The following LRRC8A variants were observed in gnomAD, a reference collection of about 807,000 sequenced individuals.
LRRC8A encodes leucine rich repeat containing 8 VRAC subunit A, also known as volume-regulated anion channel subunit LRRC8A.
Under a neutral mutation model 52.5 loss-of-function variants are expected in LRRC8A, and 24 were observed. The observed-to-expected ratio is 0.46, with a 90% confidence interval of 0.33 to 0.64. The LOEUF is 0.64. LRRC8A is among the 30% of genes least tolerant of loss of function. The pLI is 0.02. For synonymous variants in LRRC8A, 492 were observed against 494.2 expected (o/e 1.00, Z 0.06); for missense variants, 677 against 1,094.7 (o/e 0.62, Z 5.38).
intron 2 of LRRC8A, among the ~76,000 whole-genome samples, chr9:128,886,447 T>C (rs965166547): frequency 6.6e-6 from 1 of 152,192 alleles, no homozygotes; most frequent in Non-Finnish European, 1.5e-5. Context: ...GTTTCCCAAG[T>C]GTGTTCCATG....
chr9:128,908,812 C>T lies in LRRC8A; in HGVS notation c.1648C>T (p.Arg550Trp), dbSNP rs765803906. 1.5e-5 allele frequency: 24 copies of T among 1,613,404 alleles called. No individual in the cohort carries two copies. Among genetic ancestry groups the T allele is most frequent in the South Asian group, 6.6e-5 (6 of 91,086 alleles). The change falls in exon 3 of 4, where the codon CGG becomes TGG. Residue 550 changes from arginine to tryptophan, a missense_variant. By Grantham distance (101) the Arg-to-Trp change is moderately radical (BLOSUM62 -3). Coordinates refer to ENST00000372600, the MANE Select transcript of LRRC8A (RefSeq NM_019594.4). ...LRELKRLKVL[R>W]LKSNLSKLPQ... Reference sequence around the variant, plus strand: ...GGAGCTCAAACGCCTCAAGGTGCTGCGGCTCAAGAGCAACCTAAGCAAGCT... The same window carrying T: ...GGAGCTCAAACGCCTCAAGGTGCTGTGGCTCAAGAGCAACCTAAGCAAGCT...
rs1484836930 is a variant in LRRC8A, at chr9:128,899,022, C to T, written c.-8-8135C>T. Among the ~76,000 whole-genome samples, 1 of 152,186 alleles carries T rather than the reference C, an allele frequency of 6.6e-6. No individual in the cohort carries two copies. Among genetic ancestry groups the T allele is most frequent in the Non-Finnish European group, 1.5e-5 (1 of 68,036 alleles). On this transcript the variant is annotated intron_variant, in intron 2 of 3. Transcript: ENST00000372600. This position sits in a 1 kb window ranked among gnomAD's most constrained non-coding sequence, Gnocchi z 4.0. The stretch of plus-strand genomic sequence containing the variant: ...GGACAAGGGGTGTCTGTGATGGTGG[C>T]GGCAGCTCTGCAGTCACAGCCCAGC...
At chr9:128,886,580 C>T (rs894189730) in intron 2 of LRRC8A, among the ~76,000 whole-genome samples, 7 of 152,140 alleles carry the variant, frequency 4.6e-5, no homozygotes, top group Non-Finnish European at 8.8e-5. Context: ...GAGCTGATCA[C>T]GATAAGGGAG....
chr9:128,899,594 G>A lies in LRRC8A; in HGVS notation c.-8-7563G>A, dbSNP rs1839949991. 6.6e-6 allele frequency among the ~76,000 whole-genome samples: 1 copy of A among 152,122 alleles called. No individual in the cohort carries two copies. Among genetic ancestry groups the A allele is most frequent in the East Asian group, 1.9e-4 (1 of 5,182 alleles). ...TTAACAAAAGGACATTCTCATATGT[G>A]TTAGAACGTGGTGAGCCTTGAGGAC... On this transcript the variant is annotated intron_variant, in intron 2 of 3. Transcript: ENST00000372600. This position sits in a 1 kb window ranked among gnomAD's most constrained non-coding sequence, Gnocchi z 4.0.
intron 2 of LRRC8A, among the ~76,000 whole-genome samples, chr9:128,903,402 AG>A (rs1840104777): frequency 6.9e-6 from 1 of 145,920 alleles, no homozygotes; most frequent in South Asian, 2.2e-4. Flanking sequence ...ATTTGCAGAG[AG>A]GTGCTGTTCT....
At chr9:128,884,409 A>G (rs1839307132) in intron 1 of LRRC8A, among the ~76,000 whole-genome samples, 1 of 152,150 alleles carries the variant, frequency 6.6e-6, no homozygotes, top group Non-Finnish European at 1.5e-5. Flanking sequence ...TCATTCATTC[A>G]TTCATTCATT....
At chr9:128,885,188 A>G (rs770034797) in intron 1 of LRRC8A, 1 of 152,370 alleles carries the variant, frequency 6.6e-6, no homozygotes, top group Non-Finnish European at 1.5e-5. Flanking sequence ...CATATGGAGT[A>G]GATGCTCACC....
At chr9:128,903,206 G>A (rs1840096452) in intron 2 of LRRC8A, among the ~76,000 whole-genome samples, 1 of 152,050 alleles carries the variant, frequency 6.6e-6, no homozygotes, top group African/African-American at 2.4e-5. Context: ...GATGACCCTA[G>A]GAGGGCCTGC....
At position 128,908,355 on chromosome 9, in the gene LRRC8A, G is replaced by A. The variant is rs768057055; in HGVS notation, c.1191G>A (p.Val397=). The A allele has an allele frequency of 3.7e-6, 6 of 1,614,068 alleles. No homozygotes were observed. The South Asian group carries it at 6.6e-5, about 18-fold the overall frequency. Reference sequence around the variant, plus strand: ...GCTTCGCCGTCTTCCTGTCGGAGGTGAGTGAGAACAAGCTGCGGCAGCTGA... The same window carrying A: ...GCTTCGCCGTCTTCCTGTCGGAGGTAAGTGAGAACAAGCTGCGGCAGCTGA... The part of the protein sequence containing the change: ...SKRFAVFLSE[V]SENKLRQLNL... The change falls in exon 3 of 4, where the codon GTG becomes GTA. Residue 397 remains valine, a synonymous_variant. Transcript: ENST00000372600.
At position 128,907,098 on chromosome 9, in the gene LRRC8A, C is replaced by G. The variant is rs1840282535; in HGVS notation, c.-8-59C>G. The G allele has an allele frequency of 2.2e-6, 3 of 1,352,614 alleles. No homozygotes were observed. Among genetic ancestry groups the G allele is most frequent in the Non-Finnish European group, 3.1e-6 (3 of 975,580 alleles). 83.8% of individuals were successfully genotyped at this position (1,352,614 alleles called of 1,614,324 possible). ...TTTCATTGTCTTCTTCCCCTGACCC[C>G]TGGTCCTAGGAAAGCCAGGCCACCC... is the stretch of plus-strand genomic sequence containing the variant. On this transcript the variant is annotated intron_variant, in intron 2 of 3. Coordinates refer to ENST00000372600, the MANE Select transcript of LRRC8A (RefSeq NM_019594.4). The surrounding 1 kb of genome is among the most constrained non-coding windows in gnomAD (Gnocchi z 9.3).
Position 128,907,395 on chromosome 9 carries a change from G to A in LRRC8A, c.231G>A (p.Pro77=), listed in dbSNP as rs1004858234. ...DSFRGWAAPG[P]EPTYPNSTIL... Reference sequence around the variant, plus strand: ...TCCGGGGCTGGGCAGCCCCTGGCCCGGAGCCCACCTACCCCAACTCCACCA... The same window carrying A: ...TCCGGGGCTGGGCAGCCCCTGGCCCAGAGCCCACCTACCCCAACTCCACCA... The change falls in exon 3 of 4, where the codon CCG becomes CCA. Residue 77 remains proline (P), a synonymous_variant. Coordinates refer to ENST00000372600, the MANE Select transcript of LRRC8A (RefSeq NM_019594.4). The surrounding 1 kb of genome is among the most constrained non-coding windows in gnomAD (Gnocchi z 9.3). 8.1e-6 allele frequency: 13 copies of A among 1,613,158 alleles called. No homozygotes were observed. The highest frequency in any genetic ancestry group is 3.3e-4 in the Middle Eastern group (2 of 6,084).
chr9:128,891,253 A>G (rs1839605389), intron 2 of LRRC8A, among the ~76,000 whole-genome samples: 1 of 151,788 alleles, frequency 6.6e-6, no homozygotes, highest in Non-Finnish European at 1.5e-5. Context: ...GCCTGGTGAC[A>G]GAGTGAGATC....
Position 128,916,791 on chromosome 9 carries a change from G to C in LRRC8A, c.*420G>C, listed in dbSNP as rs1840839338. On this transcript the variant is annotated 3_prime_UTR_variant, in exon 4 of 4. Coordinates refer to ENST00000372600, the MANE Select transcript of LRRC8A (RefSeq NM_019594.4). The surrounding 1 kb of genome is among the most constrained non-coding windows in gnomAD (Gnocchi z 6.1). ...TTCCCAAGAAAGTTCAGCCCAGATG[G>C]AAGGTGTTCAGGGAAAGGTGGGCTG... is the stretch of plus-strand genomic sequence containing the variant. 1 of 168,282 alleles carries C rather than the reference G, an allele frequency of 5.9e-6. No homozygotes were observed. Among genetic ancestry groups the C allele is most frequent in the Admixed American group, 5.7e-5 (1 of 17,616 alleles). 10.4% of individuals were successfully genotyped at this position (168,282 alleles called of 1,614,324 possible). A position where few individuals can be genotyped will look rare whatever the true frequency, so the allele number is the denominator to read the frequency against.
At chr9:128,886,291 G>A (rs578054214) in intron 2 of LRRC8A, among the ~76,000 whole-genome samples, 170 bp downstream of exon 2, 2 of 152,192 alleles carry the variant, frequency 1.3e-5, no homozygotes, top group Non-Finnish European at 2.9e-5. Flanking sequence ...TCCTTCTCCC[G>A]CTGAGTAATG....
At position 128,908,128 on chromosome 9, in the gene LRRC8A, G is replaced by T. The variant is rs754056467; in HGVS notation, c.964G>T (p.Ala322Ser). The change falls in exon 3 of 4, where the codon GCG becomes TCG. Residue 322 changes from alanine (A) to serine (S), a missense_variant. Physicochemically the swap from Ala to Ser is moderately conservative, Grantham distance 99 (BLOSUM62 1). Transcript: ENST00000372600. ...HPLATLFKIL[A>S]SFYISLVIFY... Reference sequence around the variant, plus strand: ...CCTGGCCACACTCTTCAAGATCCTGGCGTCCTTCTACATCAGCCTAGTCAT... The same window carrying T: ...CCTGGCCACACTCTTCAAGATCCTGTCGTCCTTCTACATCAGCCTAGTCAT... 7.4e-6 allele frequency: 12 copies of T among 1,613,946 alleles called. No homozygotes were observed. Among genetic ancestry groups the T allele is most frequent in the African/African-American group, 2.7e-5 (2 of 75,018 alleles).
rs2130953660 is a variant in LRRC8A, at chr9:128,892,766, A to T, written c.-9+6645A>T. ...TCCACAGGCTTGGAACCCTCCCGGG[A>T]CAGGGCCTGTTGAGAGCGGCCCCTT... On this transcript the variant is annotated intron_variant, in intron 2 of 3. Transcript: ENST00000372600. This position sits in a 1 kb window ranked among gnomAD's most constrained non-coding sequence, Gnocchi z 5.2. Among the ~76,000 whole-genome samples, 1 of 152,192 alleles carries T rather than the reference A, an allele frequency of 6.6e-6. No individual in the cohort carries two copies. The highest frequency in any genetic ancestry group is 6.5e-5 in the Admixed American group (1 of 15,294).
intron 2 of LRRC8A, among the ~76,000 whole-genome samples, chr9:128,906,775 C>A (rs1411730246): frequency 6.6e-6 from 1 of 152,192 alleles, no homozygotes; most frequent in African/African-American, 2.4e-5. Flanking sequence ...AAATGTGTCC[C>A]TCTGGTCAAT....
chr9:128,887,574 T>C lies in LRRC8A; in HGVS notation c.-9+1453T>C, dbSNP rs1427710056. On this transcript the variant is annotated intron_variant, in intron 2 of 3. Transcript: ENST00000372600. The stretch of plus-strand genomic sequence containing the variant: ...CACATCTATTGTTACCATTTGCTTA[T>C]TTTTATAAAAATCTGGTCATGTTTG... Among the ~76,000 whole-genome samples the C allele has an allele frequency of 2.0e-5, 3 of 152,180 alleles. No individual in the cohort carries two copies. In the East Asian group the frequency reaches 5.8e-4, roughly 29 times the overall value.
At chr9:128,906,316 ATTTTTTTTTT>A (rs71383620) in intron 2 of LRRC8A, among the ~76,000 whole-genome samples, 3 of 79,272 alleles carry the variant, frequency 3.8e-5, no homozygotes, top group African/African-American at 5.3e-5. Flanking sequence ...CCCATGTGGA[ATTTTTTTTTT>A]TTTTTTTTTT....
Sources: allele counts gnomAD v4.1 joint callset (sites outside exome capture counted in the v4.1 genomes callset), GRCh38; gene constraint gnomAD v4.1.1; non-coding constraint Gnocchi (gnomAD v3.1); transcripts MANE v1.5; gene names NCBI Gene and HGNC (gene_info 2026-07-23, HGNC 2026-07-21).